Variants in UBE2R2 observed in about 807,000 individuals in gnomAD.
UBE2R2 encodes the protein ubiquitin conjugating enzyme E2 R2.
Under a neutral mutation model 27.8 loss-of-function variants are expected in UBE2R2, and 1 was observed. The ratio of observed to expected loss-of-function variants is 0.04; its 90% CI spans 0.01 to 0.17. The LOEUF (loss-of-function observed/expected upper bound fraction) is 0.17, where lower values mean the gene tolerates loss of function less well. Ranked by LOEUF, UBE2R2 falls within the 10% of genes least tolerant of loss-of-function variation. UBE2R2 has a pLI of 1.00. For synonymous variants in UBE2R2, 106 were observed against 113.3 expected, an observed-to-expected ratio of 0.94 and a Z score of 0.41; for missense variants, 100 against 291.0, an observed-to-expected ratio of 0.34 and a Z score of 4.78.
chr9:33,899,462 C>T (rs1011058598), intron 2 of UBE2R2, among the ~76,000 whole-genome samples: 1 of 152,040 alleles, frequency 6.6e-6, no homozygotes, highest in African/African-American at 2.4e-5. Flanking sequence ...GCAACCCCCA[C>T]CTCCCAGGTT....
At chr9:33,834,223 CAG>C (rs1207059089) in intron 1 of UBE2R2, among the ~76,000 whole-genome samples, 13 of 141,758 alleles carry the variant, frequency 9.2e-5, no homozygotes, top group African/African-American at 3.4e-4. Flanking sequence ...TTTTTGGAGA[CAG>C]AGTCTCGCTC....
rs199806738 is a variant in UBE2R2 at position 33,857,010 on chromosome 9, C to CCTTA, written c.178-29870_178-29867dup. Among the ~76,000 whole-genome samples, 902 of 150,314 alleles carry CCTTA rather than the reference C, an allele frequency of 6.0e-3. 7 individuals carry two copies. The highest frequency in any genetic ancestry group is 0.021 in the African/African-American group (850 of 40,790). ...CTCCTGGGTTCAAGTGATTCTCCTG[C>CCTTA]CTTAGCCTCCCGAGTAGCTGGGATT... is the stretch of plus-strand genomic sequence containing the variant. On this transcript the variant is annotated intron_variant, in intron 1 of 4. Coordinates refer to ENST00000263228, the MANE Select transcript of UBE2R2 (RefSeq NM_017811.4).
chr9:33,862,808 CAT>C (rs1821270052), intron 1 of UBE2R2, among the ~76,000 whole-genome samples: 1 of 152,118 alleles, frequency 6.6e-6, no homozygotes, highest in Non-Finnish European at 1.5e-5. Context: ...TTGCCTTTAA[CAT>C]ATAAACAGTA....
chr9:33,872,429 G>A (rs950818713), intron 1 of UBE2R2, among the ~76,000 whole-genome samples: 1 of 152,046 alleles, frequency 6.6e-6, no homozygotes, highest in Non-Finnish European at 1.5e-5. Context: ...CAGTTTTTAG[G>A]TTAACAGCAA....
intron 2 of UBE2R2, among the ~76,000 whole-genome samples, chr9:33,897,024 ATTTTTTT>A (rs749987839): frequency 4.9e-5 from 2 of 40,598 alleles, no homozygotes; most frequent in Non-Finnish European, 8.4e-5. Context: ...CTGTGGCCTA[ATTTTTTT>A]TTTTTTTTTT....
chr9:33,849,823 C>G (rs1022211327), intron 1 of UBE2R2, among the ~76,000 whole-genome samples: 4 of 151,868 alleles, frequency 2.6e-5, no homozygotes, highest in African/African-American at 9.7e-5. Flanking sequence ...GATCTTACTA[C>G]TGCGCTCCAG....
intron 1 of UBE2R2, among the ~76,000 whole-genome samples, chr9:33,865,201 T>G (rs556351179): frequency 6.6e-6 from 1 of 151,350 alleles, no homozygotes; most frequent in African/African-American, 2.4e-5. Context: ...TCTCTATCTA[T>G]CTATCTATCT....
intron 1 of UBE2R2, among the ~76,000 whole-genome samples, chr9:33,827,334 A>G (rs1212200176): frequency 6.6e-6 from 1 of 152,048 alleles, no homozygotes; most frequent in Admixed American, 6.6e-5. Flanking sequence ...TCTCAAAAAT[A>G]AATAAGTTAA....
chr9:33,827,685 A>G (rs1248075000), intron 1 of UBE2R2, among the ~76,000 whole-genome samples: 1 of 151,942 alleles, frequency 6.6e-6, no homozygotes, highest in African/African-American at 2.4e-5. Flanking sequence ...TAAAAATTAA[A>G]TCAGGCTCGG....
intron 3 of UBE2R2, among the ~76,000 whole-genome samples, chr9:33,904,467 GTATTTGGTTTTCTTCT>G (rs1294378678): frequency 6.6e-6 from 1 of 152,160 alleles, no homozygotes; most frequent in Non-Finnish European, 1.5e-5. Flanking sequence ...CCATATTCAC[GTATTTGGTTTTCTTCT>G]CCATAACCAC....
intron 2 of UBE2R2, among the ~76,000 whole-genome samples, chr9:33,892,404 A>T (rs960754493): frequency 6.6e-6 from 1 of 152,202 alleles, no homozygotes; most frequent in Non-Finnish European, 1.5e-5. Flanking sequence ...AATAGACATT[A>T]ATTTTTAGAG....
chr9:33,835,288 A>G (rs1238661051), intron 1 of UBE2R2, among the ~76,000 whole-genome samples: 1 of 151,640 alleles, frequency 6.6e-6, no homozygotes, highest in Non-Finnish European at 1.5e-5. Flanking sequence ...TTGGGACTAC[A>G]GGCACCCACC....
At chr9:33,896,063 C>T (rs370361347) in intron 2 of UBE2R2, among the ~76,000 whole-genome samples, 1 of 152,016 alleles carries the variant, frequency 6.6e-6, no homozygotes, top group African/African-American at 2.4e-5. Context: ...GTGAGCCACC[C>T]CGCCTGGCCA....
At chr9:33,879,750 CTTTTTTTT>C (rs66929161) in intron 1 of UBE2R2, among the ~76,000 whole-genome samples, 2 of 67,364 alleles carry the variant, frequency 3.0e-5, no homozygotes, top group African/African-American at 5.7e-5. Flanking sequence ...GGTCACAAGA[CTTTTTTTT>C]TTTTTTTTTT....
intron 3 of UBE2R2, among the ~76,000 whole-genome samples, chr9:33,901,975 G>A (rs1163520659): frequency 5.4e-5 from 8 of 148,116 alleles, no homozygotes; most frequent in East Asian, 4.0e-4. Context: ...ATGAAGCGGC[G>A]CGGTCACGGC....
At chr9:33,829,922 C>T (rs866877404) in intron 1 of UBE2R2, among the ~76,000 whole-genome samples, 5 of 151,678 alleles carry the variant, frequency 3.3e-5, no homozygotes, top group South Asian at 2.1e-4. Context: ...CTCAGCCTCC[C>T]GAGTAGCAAG....
At chr9:33,910,871 G>A (rs1471500626) in intron 3 of UBE2R2, among the ~76,000 whole-genome samples, 1 of 152,210 alleles carries the variant, frequency 6.6e-6, no homozygotes, top group Non-Finnish European at 1.5e-5. Context: ...GGGAGGCCAA[G>A]GCGGGCAGTT....
intron 2 of UBE2R2, among the ~76,000 whole-genome samples, chr9:33,899,725 C>T (rs764106042): frequency 6.6e-6 from 1 of 152,104 alleles, no homozygotes; most frequent in South Asian, 2.1e-4. Flanking sequence ...TCTCAAACTC[C>T]TGACCTCAGG....
intron 1 of UBE2R2, among the ~76,000 whole-genome samples, chr9:33,868,075 A>T (rs1444495330): frequency 6.6e-6 from 1 of 152,194 alleles, no homozygotes; most frequent in Non-Finnish European, 1.5e-5. Flanking sequence ...GGTGGCTCTC[A>T]GCGGAAAGGG....
Sources: allele counts gnomAD v4.1 joint callset (sites outside exome capture counted in the v4.1 genomes callset), GRCh38; gene constraint gnomAD v4.1.1; transcripts MANE v1.5; gene names NCBI Gene and HGNC (gene_info 2026-07-23, HGNC 2026-07-21).